Variants in NR5A1 observed in about 807,000 individuals in gnomAD.
The protein encoded by NR5A1 is steroidogenic factor 1.
In NR5A1, 6 loss-of-function variants were observed where a neutral mutation model predicts 42.7. The observed-to-expected ratio is 0.14, with a 90% CI of 0.08 to 0.28. The LOEUF (loss-of-function observed/expected upper bound fraction) is 0.28. NR5A1 is among the 10% of genes least tolerant of loss of function. The pLI, the probability that NR5A1 is intolerant of heterozygous loss-of-function variation, is 1.00. For synonymous variants in NR5A1, 274 were observed against 277.5 expected (o/e 0.99, Z 0.12); for missense variants, 442 against 626.4 (o/e 0.71, Z 3.14).
In NR5A1 at chr9:124,493,045, C is replaced by A; in HGVS notation, c.975G>T (p.Leu325=). 3 of 1,604,116 alleles carry A rather than the reference C, an allele frequency of 1.9e-6. No homozygotes were observed. The highest frequency in any genetic ancestry group is 2.6e-6 in the Non-Finnish European group (3 of 1,176,448). ...VQHGKEGSIL[L]VTGQEVELTT... ...GACTGGTCACCTCCTGCCCGGTGAC[C>A]AGCAGGATGCTGCCCTCCTTGCCGT... Residue 325 remains leucine (L), a synonymous_variant, in exon 5 of 7, where the codon CTG becomes CTT. Coordinates refer to ENST00000373588, the MANE Select transcript of NR5A1 (RefSeq NM_004959.5).
chr9:124,506,428 C>T (rs919524345), intron 1 of NR5A1, among the ~76,000 whole-genome samples: 5 of 152,146 alleles, frequency 3.3e-5, no homozygotes, highest in African/African-American at 1.2e-4. Context: ...GGGGTCACTG[C>T]CGCCTCTGAA....
At position 124,500,334 on chromosome 9, in the gene NR5A1, A is replaced by T. The variant is rs1205624250; in HGVS notation, c.626T>A (p.Leu209Gln). The change falls in exon 4 of 7, where the codon CTG becomes CAG. Residue 209 changes from leucine to glutamine, a missense_variant. This residue lies in a region of NR5A1 where 208 missense variants were observed against 203.8 expected (regional missense o/e 1.02). Transcript: ENST00000373588. This position sits in a 1 kb window ranked among gnomAD's most constrained non-coding sequence, Gnocchi z 6.9. Reference protein sequence around the residue: ...EPYASPPQPGLPYGYPEPFSG... With the variant: ...EPYASPPQPGQPYGYPEPFSG... Reference sequence around the variant, plus strand: ...GAAGGGCTCTGGGTAGCCGTACGGCAGCCCAGGCTGTGGGGGGCTGGCATA... The same window carrying T: ...GAAGGGCTCTGGGTAGCCGTACGGCTGCCCAGGCTGTGGGGGGCTGGCATA... The T allele has an allele frequency of 6.4e-7, 1 of 1,557,516 alleles. No homozygotes were observed. Among genetic ancestry groups the T allele is most frequent in the South Asian group, 1.2e-5 (1 of 84,978 alleles).
chr9:124,489,397 G>C (rs1472994451), intron 6 of NR5A1, among the ~76,000 whole-genome samples: 1 of 152,212 alleles, frequency 6.6e-6, no homozygotes, highest in Non-Finnish European at 1.5e-5. Flanking sequence ...CATGTTCCCA[G>C]ATCTCCCGGT....
chr9:124,503,397 C>T lies in NR5A1; in HGVS notation c.-2G>A. On this transcript the variant is annotated 5_prime_UTR_variant, in exon 2 of 7. Transcript: ENST00000373588. This position sits in a 1 kb window ranked among gnomAD's most constrained non-coding sequence, Gnocchi z 9.6. ...GTCCTCGTCGTACGAATAGTCCATG[C>T]CCGCGGCGTCCGCCTGCGGAGGGAC... 6.2e-7 allele frequency: 1 copy of T among 1,605,794 alleles called. No individual in the cohort carries two copies. The highest frequency in any genetic ancestry group is 1.1e-5 in the South Asian group (1 of 89,956).
At position 124,500,283 on chromosome 9, in the gene NR5A1, A is replaced by G; in HGVS notation, c.677T>C (p.Leu226Pro). The G allele has an allele frequency of 6.3e-7, 1 of 1,575,640 alleles. No individual in the cohort carries two copies. The highest frequency in any genetic ancestry group is 8.6e-7 in the Non-Finnish European group (1 of 1,160,942). ...PFSGGPNVPE[L>P]ILQLLQLEPD... ...CTCCAGCTGCAGCAGCTGCAGGATG[A>G]GCTCAGGCACGTTGGGCCCTCCAGA... is the stretch of plus-strand genomic sequence containing the variant. Residue 226 changes from leucine to proline, a missense_variant, in exon 4 of 7, where the codon CTC becomes CCC. Physicochemically the swap from Leu to Pro is moderately conservative, Grantham distance 98 (BLOSUM62 -3). Transcript: ENST00000373588. The surrounding 1 kb of genome is among the most constrained non-coding windows in gnomAD (Gnocchi z 6.9).
At chr9:124,504,483 G>A (rs1474346204) in intron 1 of NR5A1, among the ~76,000 whole-genome samples, 1 of 151,870 alleles carries the variant, frequency 6.6e-6, no homozygotes, top group Non-Finnish European at 1.5e-5. Context: ...AACGGGAGGC[G>A]CAGCCCGAGC....
At chr9:124,485,566 C>T (rs952380120) in intron 6 of NR5A1, among the ~76,000 whole-genome samples, 2 of 152,186 alleles carry the variant, frequency 1.3e-5, no homozygotes, top group Non-Finnish European at 1.5e-5. Context: ...CCTTCTGAAG[C>T]GAGCCAGGAG....
chr9:124,500,498 G>C lies in NR5A1; in HGVS notation c.462C>G (p.Ala154=). The change falls in exon 4 of 7, where the codon GCC becomes GCG. Residue 154 remains alanine (A), a synonymous_variant. Coordinates refer to ENST00000373588, the MANE Select transcript of NR5A1 (RefSeq NM_004959.5). The surrounding 1 kb of genome is among the most constrained non-coding windows in gnomAD (Gnocchi z 6.9). The part of the protein sequence containing the change: ...LHGPEPKGLA[A]GPPAGPLGDF... ...CGCCCAGTGGCCCAGCAGGTGGACC[G>C]GCGGCCAGGCCCTTGGGCTCAGGCC... 1 of 1,603,970 alleles carries C rather than the reference G, an allele frequency of 6.2e-7. No homozygotes were observed. The highest frequency in any genetic ancestry group is 1.1e-5 in the South Asian group (1 of 90,716).
Position 124,503,476 on chromosome 9 carries a change from C to T in NR5A1, c.-15-66G>A. 2 of 1,335,852 alleles carry T rather than the reference C, an allele frequency of 1.5e-6. No individual in the cohort carries two copies. Among genetic ancestry groups the T allele is most frequent in the Non-Finnish European group, 2.0e-6 (2 of 978,588 alleles). The allele number at this position is 1,335,852 out of a possible 1,614,324, so 82.7% of individuals were successfully genotyped here. Reference sequence around the variant, plus strand: ...GGCAGCCTGGGGTCCCCGCGGCCGCCGCCCCAGCCGCTGTCGCCGGCCCGT... The same window carrying T: ...GGCAGCCTGGGGTCCCCGCGGCCGCTGCCCCAGCCGCTGTCGCCGGCCCGT... On this transcript the variant is annotated intron_variant, in intron 1 of 6. Coordinates refer to ENST00000373588, the MANE Select transcript of NR5A1 (RefSeq NM_004959.5). The surrounding 1 kb of genome is among the most constrained non-coding windows in gnomAD (Gnocchi z 9.6).
At chr9:124,505,975 G>T (rs1425149272) in intron 1 of NR5A1, among the ~76,000 whole-genome samples, 2 of 152,188 alleles carry the variant, frequency 1.3e-5, no homozygotes, top group Non-Finnish European at 2.9e-5. Context: ...AGAGTTTGGG[G>T]ACCATGAGGC....
chr9:124,501,177 G>A lies in NR5A1; in HGVS notation c.245-462C>T, dbSNP rs114298278. ...AGTGGATCATGCCATGTGCTCCTGC[G>A]GGCTAAGTTCTGGGCTCAGGTGTCT... On this transcript the variant is annotated intron_variant, in intron 3 of 6. Coordinates refer to ENST00000373588, the MANE Select transcript of NR5A1 (RefSeq NM_004959.5). The surrounding 1 kb of genome is among the most constrained non-coding windows in gnomAD (Gnocchi z 4.1). Among the ~76,000 whole-genome samples, 792 of 152,170 alleles carry A rather than the reference G, an allele frequency of 5.2e-3. 7 individuals carry two copies. The highest frequency in any genetic ancestry group is 0.018 in the African/African-American group (755 of 41,508).
In NR5A1 at chr9:124,506,238, C is replaced by G. The variant is rs146735364; in HGVS notation, c.-16+1011G>C. ...GGCAAGTCACTTCTCCTCTCTGAAACGAGAGCCTCAGTTTTCTCCGAGCAT... is the reference window on the plus strand; with the variant it reads ...GGCAAGTCACTTCTCCTCTCTGAAAGGAGAGCCTCAGTTTTCTCCGAGCAT... On this transcript the variant is annotated intron_variant, in intron 1 of 6. Coordinates refer to ENST00000373588, the MANE Select transcript of NR5A1 (RefSeq NM_004959.5). 2.5e-4 allele frequency among the ~76,000 whole-genome samples: 38 copies of G among 152,356 alleles called. No individual in the cohort carries two copies. The East Asian group carries it at 6.0e-3, about 24-fold the overall frequency.
intron 4 of NR5A1, among the ~76,000 whole-genome samples, chr9:124,493,939 G>T (rs1832352399): frequency 6.6e-6 from 1 of 152,182 alleles, no homozygotes; most frequent in Non-Finnish European, 1.5e-5. Flanking sequence ...TTCAGCTGAG[G>T]AATCCGCCAC....
chr9:124,491,125 C>G lies in NR5A1; in HGVS notation c.1094G>C (p.Arg365Pro). 6.2e-7 allele frequency: 1 copy of G among 1,607,920 alleles called. No homozygotes were observed. The change falls in exon 6 of 7, where the codon CGG becomes CCG. Residue 365 changes from arginine (R) to proline (P), a missense_variant. Coordinates refer to ENST00000373588, the MANE Select transcript of NR5A1 (RefSeq NM_004959.5). ...VLQLLALQLDRQEFVCLKFII... is the reference protein window; with the variant it reads ...VLQLLALQLDPQEFVCLKFII... Reference sequence around the variant, plus strand: ...GAACTTGAGGCAGACAAACTCCTGCCGGTCCAGCTGCAGCGCAAGCAGCTG... The same window carrying G: ...GAACTTGAGGCAGACAAACTCCTGCGGGTCCAGCTGCAGCGCAAGCAGCTG...
chr9:124,491,036 C>CCCCCCCCCCGGGG, intron 6 of NR5A1, 45 bp downstream of exon 6: 10 of 1,401,596 alleles, frequency 7.1e-6, no homozygotes, highest in East Asian at 3.0e-5. Context: ...CCCACCCACC[C>CCCCCCCCCCGGGG]GCCTCTGGCT....
chr9:124,500,522 C>T lies in NR5A1; in HGVS notation c.438G>A (p.Gly146=), dbSNP rs528745630. The stretch of plus-strand genomic sequence containing the variant: ...CGGCGGCCAGGCCCTTGGGCTCAGG[C>T]CCATGCAGGCTGGGAGGCAGCACGT... ...PDYVLPPSLH[G]PEPKGLAAGP... Residue 146 remains glycine, a synonymous_variant, in exon 4 of 7, where the codon GGG becomes GGA. Transcript: ENST00000373588. The surrounding 1 kb of genome is among the most constrained non-coding windows in gnomAD (Gnocchi z 6.9). The T allele has an allele frequency of 1.3e-5, 21 of 1,607,556 alleles. No individual in the cohort carries two copies. The African/African-American group carries it at 1.9e-4, about 14-fold the overall frequency.
At chr9:124,504,975 C>T (rs1482852155) in intron 1 of NR5A1, among the ~76,000 whole-genome samples, 1 of 151,116 alleles carries the variant, frequency 6.6e-6, no homozygotes, top group Non-Finnish European at 1.5e-5. Flanking sequence ...GCCACCCCGC[C>T]CTGCGCCAAC....
At position 124,491,188 on chromosome 9, in the gene NR5A1, A is replaced by G. The variant is rs1832301589; in HGVS notation, c.1031T>C (p.Leu344Pro). 1 of 1,608,624 alleles carries G rather than the reference A, an allele frequency of 6.2e-7. No homozygotes were observed. Among genetic ancestry groups the G allele is most frequent in the Admixed American group, 1.7e-5 (1 of 59,698 alleles). The change falls in exon 6 of 7, where the codon CTG (leucine) becomes CCG (proline). Residue 344 changes from leucine to proline, a missense_variant. Physicochemically the swap from Leu to Pro is moderately conservative, Grantham distance 98. Around this residue, in one of 3 missense-constraint regions of NR5A1, gnomAD observed 163 missense variants for 265.8 expected, o/e 0.61. Transcript: ENST00000373588. ...TTVATQAGSLLHSLVLRAQEL... is the reference protein window; with the variant it reads ...TTVATQAGSLPHSLVLRAQEL... ...CTGCGCCCGCAACACCAGGCTGTGC[A>G]GCAGCGAGCCCGCCTGGGTGGCCAC...
chr9:124,494,075 A>G (rs964717787), intron 4 of NR5A1, among the ~76,000 whole-genome samples: 9 of 152,210 alleles, frequency 5.9e-5, no homozygotes, highest in Non-Finnish European at 1.2e-4. Flanking sequence ...TTGGAAGCAC[A>G]CTGGGCACTG....
Sources: allele counts gnomAD v4.1 joint callset (sites outside exome capture counted in the v4.1 genomes callset), GRCh38; gene constraint gnomAD v4.1.1; regional missense constraint gnomAD v4.1.1; non-coding constraint Gnocchi (gnomAD v3.1); transcripts MANE v1.5; gene names NCBI Gene and HGNC (gene_info 2026-07-23, HGNC 2026-07-21).